DENND2A: variants seen among roughly 807,000 people sequenced by gnomAD.
DENND2A encodes the protein DENN domain-containing protein 2A.
DENND2A carries 53 observed loss-of-function variants against 105.3 expected under a neutral mutation model. The ratio of observed to expected loss-of-function variants is 0.50; its 90% confidence interval spans 0.40 to 0.63. The LOEUF (loss-of-function observed/expected upper bound fraction) is 0.63. Among genes scored for constraint, DENND2A ranks in the 30% least tolerant of loss-of-function variants. DENND2A has a pLI of 0.00. For synonymous variants in DENND2A, 522 were observed against 508.4 expected (o/e 1.03, Z -0.36); for missense variants, 1,138 against 1,279.6 (o/e 0.89, Z 1.69).
chr7:140,549,156 G>A (rs1224304184), intron 12 of DENND2A, among the ~76,000 whole-genome samples: 1 of 151,772 alleles, frequency 6.6e-6, no homozygotes, highest in African/African-American at 2.4e-5. Flanking sequence ...AATCCAGTAG[G>A]CAGAGGTTGT....
At chr7:140,543,401 C>T (rs569205176) in intron 14 of DENND2A, among the ~76,000 whole-genome samples, 20 of 150,922 alleles carry the variant, frequency 1.3e-4, no homozygotes, top group South Asian at 1.0e-3. Context: ...TCCTAAAGTG[C>T]GGTGATTACA....
Position 140,554,272 on chromosome 7 carries a change from C to T in DENND2A, c.2037+1364G>A, listed in dbSNP as rs182475763. Among the ~76,000 whole-genome samples the T allele has an allele frequency of 2.1e-3, 319 of 152,054 alleles. 3 individuals are homozygous for T. Among genetic ancestry groups the T allele is most frequent in the Non-Finnish European group, 3.7e-3 (249 of 67,992 alleles). ...GAGTACTGCTTTAACATTCATGGAC[C>T]GTAGGTGCAGGAACTTCAATTCCCC... On this transcript the variant is annotated intron_variant, in intron 12 of 19. Transcript: ENST00000496613.
chr7:140,523,115 A>G lies in DENND2A; in HGVS notation c.2665+192T>C, dbSNP rs145617234. On this transcript the variant is annotated intron_variant, in intron 17 of 19. Transcript: ENST00000496613. The surrounding 1 kb of genome is among the most constrained non-coding windows in gnomAD (Gnocchi z 4.5). ...TTTAAACAGGTACTTTAAGGCCAAA[A>G]TGGGGGAGGTGGGAAAATCTTTCCC... Among the ~76,000 whole-genome samples the G allele has an allele frequency of 4.3e-3, 657 of 152,262 alleles. 6 individuals are homozygous for G. The highest frequency in any genetic ancestry group is 0.027 in the Middle Eastern group (8 of 294).
In DENND2A at chr7:140,559,529, C is replaced by T. The variant is rs772305771; in HGVS notation, c.1889+179G>A. Among the ~76,000 whole-genome samples, 1 of 152,200 alleles carries T rather than the reference C, an allele frequency of 6.6e-6. No individual in the cohort carries two copies. The highest frequency in any genetic ancestry group is 1.5e-5 in the Non-Finnish European group (1 of 68,034). On this transcript the variant is annotated intron_variant, in intron 10 of 19. Coordinates refer to ENST00000496613, the MANE Select transcript of DENND2A (RefSeq NM_015689.5). The surrounding 1 kb of genome is among the most constrained non-coding windows in gnomAD (Gnocchi z 4.1). The stretch of plus-strand genomic sequence containing the variant: ...GTGGGAAGCCCGGGAGGTCTGCATG[C>T]TGGGCAGGTGACTTCACCTTCAGGG...
intron 16 of DENND2A, among the ~76,000 whole-genome samples, chr7:140,525,042 T>C (rs1796007014): frequency 6.6e-6 from 1 of 151,126 alleles, no homozygotes; most frequent in Non-Finnish European, 1.5e-5. Flanking sequence ...TAAATGCATA[T>C]TGAAGCTGGG....
intron 5 of DENND2A, among the ~76,000 whole-genome samples, chr7:140,583,282 C>A (rs1798618904): frequency 6.6e-6 from 1 of 150,938 alleles, no homozygotes; most frequent in Non-Finnish European, 1.5e-5. Context: ...TCACTCCAGC[C>A]TGGGCGACAG....
At position 140,601,455 on chromosome 7, in the gene DENND2A, A is replaced by C. The variant is rs1328894168; in HGVS notation, c.943T>G (p.Ser315Ala). ...PPLPSSPPPS[S>A]VNRRLWTGRQ... ...CCGGTCCACAGTCTTCTGTTCACAG[A>C]GGAAGGTGGGGGAGAGGAGGGCAGA... is the stretch of plus-strand genomic sequence containing the variant. Residue 315 changes from serine (S) to alanine (A), a missense_variant, in exon 3 of 20, where the codon TCT (serine) becomes GCT (alanine). Physicochemically the swap from Ser to Ala is moderately conservative, Grantham distance 99. This residue lies in a region of DENND2A where 511 missense variants were observed against 499.9 expected (regional missense o/e 1.02). Transcript: ENST00000496613. 1.9e-5 allele frequency: 31 copies of C among 1,613,380 alleles called. No homozygotes were observed. Among genetic ancestry groups the C allele is most frequent in the Non-Finnish European group, 2.6e-5 (31 of 1,179,764 alleles).
chr7:140,591,709 CTT>C (rs1554475952), intron 3 of DENND2A, among the ~76,000 whole-genome samples: 111 of 96,422 alleles, frequency 1.2e-3, no homozygotes, highest in African/African-American at 6.6e-3. Flanking sequence ...TTCCTTCCTT[CTT>C]TCTCTCTCTT....
At chr7:140,544,545 C>T (rs1328409991) in intron 14 of DENND2A, 73 bp downstream of exon 14, 1 of 1,596,826 alleles carries the variant, frequency 6.3e-7, no homozygotes, top group Non-Finnish European at 8.6e-7. Flanking sequence ...AGGCGGTCAC[C>T]TGCTCTACAG....
chr7:140,591,277 C>G (rs915987627), intron 3 of DENND2A, among the ~76,000 whole-genome samples: 2 of 152,144 alleles, frequency 1.3e-5, no homozygotes, highest in Non-Finnish European at 2.9e-5. Flanking sequence ...AGCCACTGCA[C>G]TCTCACTCAT....
At chr7:140,567,592 T>G (rs1232383092) in intron 8 of DENND2A, among the ~76,000 whole-genome samples, 1 of 152,224 alleles carries the variant, frequency 6.6e-6, no homozygotes, top group Non-Finnish European at 1.5e-5. Context: ...TTTTGCTGTC[T>G]GGACTCTGGG....
intron 3 of DENND2A, among the ~76,000 whole-genome samples, chr7:140,588,743 A>G (rs560024576): frequency 3.3e-4 from 48 of 143,284 alleles, no homozygotes; most frequent in Non-Finnish European, 5.4e-4. Flanking sequence ...CAAAATTACT[A>G]TTCTTATCCA....
intron 2 of DENND2A, among the ~76,000 whole-genome samples, chr7:140,605,455 C>T (rs992854334): frequency 1.3e-5 from 2 of 152,194 alleles, no homozygotes; most frequent in African/African-American, 4.8e-5. Context: ...TGGAATGCGT[C>T]ATGGGGATAG....
chr7:140,627,422 C>T (rs187288024), intron 1 of DENND2A, among the ~76,000 whole-genome samples: 1 of 152,122 alleles, frequency 6.6e-6, no homozygotes, highest in African/African-American at 2.4e-5. Context: ...ACCATGTTGG[C>T]CAGGCTGGTC....
rs373569689 is a variant in DENND2A at position 140,601,757 on chromosome 7, C to T, written c.641G>A (p.Ser214Asn). The change falls in exon 3 of 20, where the codon AGC becomes AAC. Residue 214 changes from serine (S) to asparagine (N), a missense_variant. This residue lies in a region of DENND2A where 511 missense variants were observed against 499.9 expected (regional missense o/e 1.02). Coordinates refer to ENST00000496613, the MANE Select transcript of DENND2A (RefSeq NM_015689.5). Reference protein sequence around the residue: ...NLGGGSGSEVSQRVHPSDLEG... With the variant: ...NLGGGSGSEVNQRVHPSDLEG... ...CAGGTCCGAGGGGTGGACCCTCTGG[C>T]TGACTTCTGAGCCACTCCCGCCTCC... 39 of 1,613,932 alleles carry T rather than the reference C, an allele frequency of 2.4e-5. No individual in the cohort carries two copies. Among genetic ancestry groups the T allele is most frequent in the Non-Finnish European group, 3.1e-5 (37 of 1,180,024 alleles).
At chr7:140,607,845 C>G (rs1162377852) in intron 1 of DENND2A, among the ~76,000 whole-genome samples, 2 of 152,190 alleles carry the variant, frequency 1.3e-5, no homozygotes, top group African/African-American at 4.8e-5. Flanking sequence ...AGCTCTCTTC[C>G]AAGCTGGCTT....
chr7:140,539,845 C>G (rs1796594113), intron 14 of DENND2A, among the ~76,000 whole-genome samples: 1 of 152,234 alleles, frequency 6.6e-6, no homozygotes, highest in African/African-American at 2.4e-5. Flanking sequence ...ATTTCCATCT[C>G]TTCAGGTCTG....
intron 3 of DENND2A, among the ~76,000 whole-genome samples, chr7:140,591,595 G>C (rs931399343): frequency 1.3e-5 from 2 of 152,010 alleles, no homozygotes; most frequent in Admixed American, 6.6e-5. Flanking sequence ...GGTAACACAT[G>C]CCAAAGCATT....
chr7:140,631,365 G>T (rs964741125), intron 1 of DENND2A, among the ~76,000 whole-genome samples: 1 of 152,112 alleles, frequency 6.6e-6, no homozygotes, highest in Admixed American at 6.6e-5. Context: ...CCTCGGGGTT[G>T]TGTGTGTACC....
Sources: allele counts gnomAD v4.1 joint callset (sites outside exome capture counted in the v4.1 genomes callset), GRCh38; gene constraint gnomAD v4.1.1; regional missense constraint gnomAD v4.1.1; non-coding constraint Gnocchi (gnomAD v3.1); transcripts MANE v1.5; gene names NCBI Gene and HGNC (gene_info 2026-07-23, HGNC 2026-07-21).